The following NUCB1 variants were observed in gnomAD, a reference collection of about 807,000 sequenced individuals.
The protein encoded by NUCB1 is nucleobindin-1.
NUCB1 carries 47 observed loss-of-function variants against 61.2 expected under a neutral mutation model. That is an observed-to-expected ratio of 0.77 (90% CI 0.61 to 0.98). The LOEUF is 0.98. NUCB1 is among the 50% of genes least tolerant of loss of function. NUCB1 has a pLI of 0.00. For missense variants in NUCB1, 583 were observed against 605.3 expected, an observed-to-expected ratio of 0.96 and a Z score of 0.39; for synonymous variants, 234 against 243.1, an observed-to-expected ratio of 0.96 and a Z score of 0.35.
intron 6 of NUCB1, 52 bp downstream of exon 6, chr19:48,913,248 CAA>C (rs1568586517): frequency 1.3e-6 from 2 of 1,536,138 alleles, no homozygotes; most frequent in Admixed American, 2.1e-5. Context: ...AGTTCAAACG[CAA>C]GACAAGAAAG....
Position 48,919,240 on chromosome 19 carries a change from C to T in NUCB1, c.956C>T (p.Ala319Val), listed in dbSNP as rs2037578406. Residue 319 changes from alanine to valine, a missense_variant, in exon 10 of 13, where the codon GCA becomes GTA. By Grantham distance (64) the Ala-to-Val change is moderately conservative. Coordinates refer to ENST00000405315, the MANE Select transcript of NUCB1 (RefSeq NM_006184.6). Reference sequence around the variant, plus strand: ...CTCGTGACCCTGGAGGAGTTCCTCGCATCCACTCAGAGGAAGGAGTTTGGG... The same window carrying T: ...CTCGTGACCCTGGAGGAGTTCCTCGTATCCACTCAGAGGAAGGAGTTTGGG... ...DRLVTLEEFL[A>V]STQRKEFGDT... is the part of the protein sequence containing the mutation. 1 of 1,613,826 alleles carries T rather than the reference C, an allele frequency of 6.2e-7. No individual in the cohort carries two copies. Among genetic ancestry groups the T allele is most frequent in the East Asian group, 2.2e-5 (1 of 44,876 alleles).
chr19:48,905,731 C>A (rs774490309), intron 3 of NUCB1, 22 bp from the exon 4 acceptor site: 5 of 1,613,648 alleles, frequency 3.1e-6, no homozygotes, highest in Non-Finnish European at 4.2e-6. Flanking sequence ...CCCAGGCTGA[C>A]CAGGGTCTCC....
rs761698092 is a variant in NUCB1 at position 48,900,910 on chromosome 19, G to T, written c.114G>T (p.Glu38Asp). 2 of 1,613,950 alleles carry T rather than the reference G, an allele frequency of 1.2e-6. No homozygotes were observed. The highest frequency in any genetic ancestry group is 4.5e-5 in the East Asian group (2 of 44,888). The change falls in exon 2 of 13, where the codon GAG (glutamate) becomes GAT (aspartate). Residue 38 changes from glutamate to aspartate, a missense_variant. Transcript: ENST00000405315. Reference protein sequence around the residue: ...PLERGAPNKEETPATESPDTG... With the variant: ...PLERGAPNKEDTPATESPDTG... ...AGCGAGGGGCGCCCAACAAGGAGGA[G>T]ACCCCTGCGACTGAGAGTCCCGTGA...
At chr19:48,921,402 TG>T (rs1600070258) in intron 11 of NUCB1, 78 bp downstream of exon 11, 1 of 1,478,840 alleles carries the variant, frequency 6.8e-7, no homozygotes, top group Non-Finnish European at 9.2e-7. Flanking sequence ...GTCCAGAAGC[TG>T]GGAAGGCCTG....
chr19:48,902,244 G>A (rs1276110547), intron 2 of NUCB1, among the ~76,000 whole-genome samples: 1 of 151,868 alleles, frequency 6.6e-6, no homozygotes, highest in Non-Finnish European at 1.5e-5. Flanking sequence ...CCGAGTAGCT[G>A]GGACTACAGG....
At chr19:48,912,111 A>G (rs142283961) in intron 5 of NUCB1, among the ~76,000 whole-genome samples, 17 of 150,030 alleles carry the variant, frequency 1.1e-4, no homozygotes, top group African/African-American at 4.2e-4. Context: ...TGCAGCCTCA[A>G]CCTCCTGGGC....
intron 2 of NUCB1, among the ~76,000 whole-genome samples, chr19:48,901,776 CTG>C (rs1385605033): frequency 2.1e-4 from 32 of 152,162 alleles, no homozygotes; most frequent in African/African-American, 7.5e-4. Context: ...TTTTCTGAGA[CTG>C]TCTCAAAAAA....
rs1402830403 is a variant in NUCB1 at position 48,903,830 on chromosome 19, GTGGATGAGTGGATGGATGGA to G, written c.136-490_136-471del. Among the ~76,000 whole-genome samples, 15 of 135,028 alleles carry G rather than the reference GTGGATGAGTGGATGGATGGA, an allele frequency of 1.1e-4. 1 individual carries two copies. In the South Asian group the frequency reaches 2.3e-3, roughly 21 times the overall value. 88.6% of individuals were successfully genotyped at this position (135,028 alleles called of 152,430 possible). A position where few individuals can be genotyped will look rare whatever the true frequency, so the allele number is the denominator to read the frequency against. On this transcript the variant is annotated intron_variant, in intron 2 of 12. Transcript: ENST00000405315. The stretch of plus-strand genomic sequence containing the variant: ...GATAGGTGGGTGGATGGATGGGCAG[GTGGATGAGTGGATGGATGGA>G]TGGATGAGTGGATGGATGGATGGAT...
intron 4 of NUCB1, among the ~76,000 whole-genome samples, chr19:48,906,409 A>C: frequency 6.6e-6 from 1 of 151,790 alleles, no homozygotes; most frequent in Non-Finnish European, 1.5e-5. Context: ...GACTCAAAAA[A>C]AAAAAAAAAA....
rs765917158 is a variant in NUCB1 at position 48,911,142 on chromosome 19, C to A, written c.377-7C>A. 4 of 1,603,306 alleles carry A rather than the reference C, an allele frequency of 2.5e-6. No homozygotes were observed. Among genetic ancestry groups the A allele is most frequent in the Non-Finnish European group, 3.4e-6 (4 of 1,170,678 alleles). The stretch of plus-strand genomic sequence containing the variant: ...CCTCAGGTGTTGGACTCTTCCCTCT[C>A]TTCCAGATGTACAGGTGGATCATCT... On this transcript the variant is annotated splice_polypyrimidine_tract_variant and splice_region_variant and intron_variant, in intron 4 of 12. Coordinates refer to ENST00000405315, the MANE Select transcript of NUCB1 (RefSeq NM_006184.6).
At position 48,918,831 on chromosome 19, in the gene NUCB1, GCCACTTGTTT is replaced by G. The variant is rs756736785; in HGVS notation, c.816+50_816+59del. 7.1e-6 allele frequency: 11 copies of G among 1,555,152 alleles called. 1 individual carries two copies. The South Asian group carries it at 1.2e-4, about 17-fold the overall frequency. The stretch of plus-strand genomic sequence containing the variant: ...GGCACCTGGAGGGACGCCCAAATCA[GCCACTTGTTT>G]CCTCCTGCAGTCCCCTTAAATCCCC... On this transcript the variant is annotated intron_variant, in intron 8 of 12. Coordinates refer to ENST00000405315, the MANE Select transcript of NUCB1 (RefSeq NM_006184.6).
chr19:48,913,784 C>T (rs1019599240), intron 7 of NUCB1, among the ~76,000 whole-genome samples: 11 of 152,052 alleles, frequency 7.2e-5, no homozygotes, highest in African/African-American at 2.7e-4. Context: ...CACCAGACCT[C>T]GGGGTTCTAA....
intron 11 of NUCB1, 156 bp downstream of exon 11, chr19:48,921,480 T>C: frequency 1.1e-6 from 1 of 877,812 alleles, no homozygotes; most frequent in Non-Finnish European, 1.8e-6. Flanking sequence ...GGGCAGACGT[T>C]TTCCCGTCTC....
Position 48,911,704 on chromosome 19 carries a change from CTCT to C in NUCB1, c.480+457_480+459del, listed in dbSNP as rs201880071. On this transcript the variant is annotated intron_variant, in intron 5 of 12. Transcript: ENST00000405315. ...TACAAGTGTCAGCCACCGCACCCAG[CTCT>C]TCTTATAGTGATACCCACCGTAATC... Among the ~76,000 whole-genome samples the C allele has an allele frequency of 4.0e-3, 605 of 152,158 alleles. 9 individuals carry two copies. The highest frequency in any genetic ancestry group is 0.014 in the African/African-American group (565 of 41,518).
At chr19:48,908,697 G>GTGTGTGTC (rs1332437792) in intron 4 of NUCB1, among the ~76,000 whole-genome samples, 3 of 136,004 alleles carry the variant, frequency 2.2e-5, no homozygotes, top group Non-Finnish European at 4.8e-5. Flanking sequence ...GTGTGTGTGT[G>GTGTGTGTC]TCTTTCTGCC....
chr19:48,911,391 G>GTTTCT (rs138619317), intron 5 of NUCB1, 139 bp downstream of exon 5: 2 of 468,892 alleles, frequency 4.3e-6, no homozygotes, highest in Non-Finnish European at 7.5e-6. Flanking sequence ...GGGCTGAGTC[G>GTTTCT]TTTCTTTTCT....
Position 48,922,464 on chromosome 19 carries a change from A to G in NUCB1, c.*40A>G, listed in dbSNP as rs2037622703. 2.0e-6 allele frequency: 3 copies of G among 1,518,618 alleles called. No individual in the cohort carries two copies. Among genetic ancestry groups the G allele is most frequent in the Non-Finnish European group, 2.7e-6 (3 of 1,093,978 alleles). The allele number at this position is 1,518,618 out of a possible 1,614,324, so 94.1% of individuals were successfully genotyped here. A position where few individuals can be genotyped will look rare whatever the true frequency, so the allele number is the denominator to read the frequency against. ...AGCCCTCAGGATTCCTGATGCTCCA[A>G]GGCGACTGATGGGCGCTGGATGAAG... On this transcript the variant is annotated 3_prime_UTR_variant, in exon 13 of 13. Coordinates refer to ENST00000405315, the MANE Select transcript of NUCB1 (RefSeq NM_006184.6).
intron 12 of NUCB1, 98 bp downstream of exon 12, chr19:48,922,030 G>A: frequency 1.0e-6 from 1 of 979,110 alleles, no homozygotes; most frequent in Non-Finnish European, 1.5e-6. Context: ...GAGGGAAGAG[G>A]GACTGGGGGC....
intron 7 of NUCB1, among the ~76,000 whole-genome samples, chr19:48,916,670 C>T (rs1452316989): frequency 6.6e-6 from 1 of 151,944 alleles, no homozygotes; most frequent in African/African-American, 2.4e-5. Context: ...GTAGTCCCAG[C>T]ACTTTCGGAG....
Sources: gnomAD v4.1 joint callset for allele counts (sites outside exome capture counted in the v4.1 genomes callset) on GRCh38, gnomAD v4.1.1 for gene constraint, MANE v1.5 for transcripts, NCBI Gene and HGNC (gene_info 2026-07-23, HGNC 2026-07-21) for gene names.